MYO5A: variants seen among roughly 807,000 people sequenced by gnomAD.
MYO5A encodes the protein myosin VA.
A neutral mutation model predicts 249.7 loss-of-function variants in MYO5A; 98 were observed. The observed-to-expected ratio is 0.39, with a 90% confidence interval of 0.33 to 0.46. The LOEUF (loss-of-function observed/expected upper bound fraction) is 0.46. MYO5A is among the 20% of genes least tolerant of loss of function. The pLI is 0.98. For synonymous variants in MYO5A, 778 were observed against 810.6 expected (o/e 0.96, Z 0.68); for missense variants, 1,696 against 2,308.8 (o/e 0.73, Z 5.44).
At chr15:52,326,079 G>A (rs2038589917) in intron 36 of MYO5A, among the ~76,000 whole-genome samples, 1 of 152,172 alleles carries the variant, frequency 6.6e-6, no homozygotes, top group Admixed American at 6.5e-5. Flanking sequence ...GCTTAGGGCC[G>A]ATGGCAAAAA....
At chr15:52,449,115 C>T (rs189263759) in intron 1 of MYO5A, among the ~76,000 whole-genome samples, 6 of 151,786 alleles carry the variant, frequency 4.0e-5, no homozygotes, top group African/African-American at 9.7e-5. Flanking sequence ...ATTACAGGCA[C>T]GTGCCACCAC....
At chr15:52,513,308 A>C (rs2077431747) in intron 1 of MYO5A, among the ~76,000 whole-genome samples, 1 of 151,010 alleles carries the variant, frequency 6.6e-6, no homozygotes, top group African/African-American at 2.4e-5. Flanking sequence ...CCATGTGCCT[A>C]TAATCCCAGC....
chr15:52,383,881 AAC>A (rs2041865074), intron 15 of MYO5A, among the ~76,000 whole-genome samples: 1 of 152,236 alleles, frequency 6.6e-6, no homozygotes, highest in African/African-American at 2.4e-5. Context: ...ATAGAGACAA[AAC>A]AAACAGAAAA....
chr15:52,405,457 G>C, intron 8 of MYO5A, 64 bp from the exon 9 acceptor site: 1 of 1,241,004 alleles, frequency 8.1e-7, no homozygotes, highest in Non-Finnish European at 1.2e-6. Flanking sequence ...AATTACAGCA[G>C]ACAATTTTAA....
chr15:52,351,873 A>G (rs1381054543), intron 27 of MYO5A, among the ~76,000 whole-genome samples: 3 of 152,202 alleles, frequency 2.0e-5, no homozygotes, highest in Non-Finnish European at 2.9e-5. Context: ...GATATTTCCA[A>G]TGAATGATTC....
At chr15:52,390,914 T>C (rs1168684233) in intron 12 of MYO5A, among the ~76,000 whole-genome samples, 2 of 152,166 alleles carry the variant, frequency 1.3e-5, no homozygotes, top group African/African-American at 2.4e-5. Flanking sequence ...TACACACTCA[T>C]TGCATTTTTT....
At chr15:52,433,149 G>T in intron 2 of MYO5A, 26 bp downstream of exon 2, 1 of 1,484,754 alleles carries the variant, frequency 6.7e-7, no homozygotes, top group South Asian at 1.1e-5. Flanking sequence ...TTATGCCAAT[G>T]ACAACAAATG....
At chr15:52,339,387 G>T (rs2039276236) in intron 32 of MYO5A, among the ~76,000 whole-genome samples, 1 of 151,752 alleles carries the variant, frequency 6.6e-6, no homozygotes, top group South Asian at 2.1e-4. Flanking sequence ...CTACAATATA[G>T]ACTTTATATA....
At chr15:52,454,508 G>A (rs2076080794) in intron 1 of MYO5A, among the ~76,000 whole-genome samples, 1 of 151,928 alleles carries the variant, frequency 6.6e-6, no homozygotes, top group Non-Finnish European at 1.5e-5. Flanking sequence ...AGGCAAACAG[G>A]CCTAACATTT....
At chr15:52,504,672 C>T (rs536583887) in intron 1 of MYO5A, among the ~76,000 whole-genome samples, 5 of 152,048 alleles carry the variant, frequency 3.3e-5, no homozygotes, top group African/African-American at 9.6e-5. Context: ...GAGACCAAGG[C>T]GGGTGGATCG....
intron 1 of MYO5A, among the ~76,000 whole-genome samples, chr15:52,469,381 T>C (rs2076413192): frequency 6.6e-6 from 1 of 152,126 alleles, no homozygotes. Context: ...AAGAAACTTA[T>C]TAAGAAAATC....
intron 1 of MYO5A, among the ~76,000 whole-genome samples, chr15:52,518,032 T>G (rs1019458984): frequency 2.0e-5 from 3 of 152,140 alleles, no homozygotes; most frequent in African/African-American, 7.2e-5. Context: ...ATTTCCCAAT[T>G]AATTTCTTCC....
At chr15:52,378,659 CAGCTAGTAATTATGATCAATTAGCTCAA>C (rs991582532) in intron 18 of MYO5A, among the ~76,000 whole-genome samples, 4 of 150,356 alleles carry the variant, frequency 2.7e-5, no homozygotes, top group African/African-American at 9.8e-5. Flanking sequence ...ATTTAGTTCA[CAGCTAGTAATTATGATCAATTAGCTCAA>C]AGTGAGGTAC....
Position 52,393,400 on chromosome 15 carries a change from C to CTTT in MYO5A, c.1402-1333_1402-1331dup, listed in dbSNP as rs553719196. On this transcript the variant is annotated intron_variant, in intron 11 of 41. Coordinates refer to ENST00000399233, the MANE Select transcript of MYO5A (RefSeq NM_001382347.1). Reference sequence around the variant, plus strand: ...ATTTGCAGTGTTTTTTTTTTCTTTTCTTTTTTTTTTTGAGACAGAGTCTTG... The same window carrying CTTT: ...ATTTGCAGTGTTTTTTTTTTCTTTTCTTTTTTTTTTTTTTGAGACAGAGTCTTG... Among the ~76,000 whole-genome samples, 31 of 141,478 alleles carry CTTT rather than the reference C, an allele frequency of 2.2e-4. No individual in the cohort carries two copies. The East Asian group carries it at 6.2e-3, about 28-fold the overall frequency. The allele number at this position is 141,478 out of a possible 152,430, so 92.8% of individuals were successfully genotyped here.
chr15:52,354,877 A>G (rs1434947244), intron 25 of MYO5A, among the ~76,000 whole-genome samples: 1 of 152,168 alleles, frequency 6.6e-6, no homozygotes, highest in African/African-American at 2.4e-5. Flanking sequence ...AAAAGAATGA[A>G]GTATATCAAC....
intron 1 of MYO5A, among the ~76,000 whole-genome samples, chr15:52,460,586 G>C (rs1049478171): frequency 3.9e-5 from 6 of 152,350 alleles, no homozygotes; most frequent in African/African-American, 1.4e-4. Flanking sequence ...AGTGAGCCCA[G>C]ATGGCGGCAG....
At chr15:52,481,376 T>C (rs1693492) in intron 1 of MYO5A, among the ~76,000 whole-genome samples, 118,932 of 152,228 alleles carry the variant, frequency 0.78, 47,022 homozygotes, top group South Asian at 0.85. Context: ...CACAAGTATT[T>C]AGTATGTGTA....
chr15:52,395,327 T>G (rs2042441575), intron 11 of MYO5A, among the ~76,000 whole-genome samples: 1 of 152,238 alleles, frequency 6.6e-6, no homozygotes, highest in Non-Finnish European at 1.5e-5. Context: ...GATCCTCTTT[T>G]GTTTTTTAAC....
intron 30 of MYO5A, among the ~76,000 whole-genome samples, chr15:52,343,618 A>G (rs1475859210): frequency 6.6e-6 from 1 of 152,212 alleles, no homozygotes. Context: ...TTCAAGATGA[A>G]TTTTTAAGTC....
Sources: allele counts gnomAD v4.1 joint callset (sites outside exome capture counted in the v4.1 genomes callset), GRCh38; gene constraint gnomAD v4.1.1; transcripts MANE v1.5; gene names NCBI Gene and HGNC (gene_info 2026-07-23, HGNC 2026-07-21).